SV2C: variants seen among roughly 807,000 people sequenced by gnomAD.
SV2C encodes the protein solute carrier family 22 member B3.
SV2C carries 49 observed loss-of-function variants against 79.7 expected under a neutral mutation model. The ratio of observed to expected loss-of-function variants is 0.61; its 90% CI spans 0.49 to 0.78. The LOEUF is 0.78. Ranked by LOEUF, SV2C falls within the 30% of genes least tolerant of loss-of-function variation. SV2C has a pLI of 0.00. For missense variants in SV2C, 833 were observed against 912.9 expected (o/e 0.91, Z 1.13); for synonymous variants, 334 against 333.2 (o/e 1.00, Z -0.03).
the SV2C span, among the ~76,000 whole-genome samples, chr5:75,916,865 G>A: frequency 6.6e-6 from 1 of 152,198 alleles, no homozygotes; most frequent in Admixed American, 6.5e-5. Context: ...GCCTTGGGCA[G>A]GATGAAAATA....
At chr5:76,008,939 C>T in the SV2C span, among the ~76,000 whole-genome samples, 5 of 152,002 alleles carry the variant, frequency 3.3e-5, no homozygotes, top group Non-Finnish European at 7.4e-5. Context: ...TCAAACAGGC[C>T]CTTCCGTGGA....
chr5:76,117,903 C>A (rs1183110608), intron 1 of SV2C, among the ~76,000 whole-genome samples: 1 of 152,106 alleles, frequency 6.6e-6, no homozygotes, highest in Admixed American at 6.5e-5. Context: ...TGTTTAATAG[C>A]TTTTCACAGT....
At chr5:75,956,114 T>A in the SV2C span, among the ~76,000 whole-genome samples, 2 of 140,384 alleles carry the variant, frequency 1.4e-5, no homozygotes, top group African/African-American at 5.3e-5. Flanking sequence ...TATTGCGGCA[T>A]TATTCACAAT....
the SV2C span, among the ~76,000 whole-genome samples, chr5:75,973,504 AG>A: frequency 1.3e-5 from 2 of 149,258 alleles, no homozygotes; most frequent in Non-Finnish European, 3.0e-5. Context: ...AAAGAAAAAA[AG>A]AAAAAAAAGA....
the SV2C span, among the ~76,000 whole-genome samples, chr5:75,960,424 T>C: frequency 6.6e-6 from 1 of 152,018 alleles, no homozygotes; most frequent in Admixed American, 6.6e-5. Flanking sequence ...AGTGATGTCA[T>C]AGCTGTTATA....
At chr5:76,343,304 T>C (rs1423757620) in intron 12 of SV2C, among the ~76,000 whole-genome samples, 2 of 152,126 alleles carry the variant, frequency 1.3e-5, no homozygotes, top group African/African-American at 2.4e-5. Context: ...GTATTGACAA[T>C]TGCAATCACC....
At chr5:75,906,770 G>A in the SV2C span, among the ~76,000 whole-genome samples, 2 of 152,054 alleles carry the variant, frequency 1.3e-5, no homozygotes, top group Non-Finnish European at 2.9e-5. Flanking sequence ...AGTTTATTTT[G>A]TCCTCACTGG....
chr5:76,339,355 G>T lies in SV2C; in HGVS notation c.2001-13775G>T, dbSNP rs75389009. Among the ~76,000 whole-genome samples the T allele has an allele frequency of 3.4e-4, 52 of 152,096 alleles. No individual in the cohort carries two copies. The East Asian group carries it at 9.5e-3, about 28-fold the overall frequency. The stretch of plus-strand genomic sequence containing the variant: ...ATGGCAACAGTTTTGTGATATCATT[G>T]CCTATATAGAGAATAGAAAGATAAA... On this transcript the variant is annotated intron_variant, in intron 12 of 12. Coordinates refer to the SV2C transcript ENST00000322285.
chr5:76,121,504 C>G (rs934520173), intron 1 of SV2C, among the ~76,000 whole-genome samples: 2 of 151,532 alleles, frequency 1.3e-5, no homozygotes, highest in Non-Finnish European at 2.9e-5. Context: ...GGTTTCAGGT[C>G]TAACGTTTAA....
chr5:76,103,280 C>T (rs534393557), intron 1 of SV2C, among the ~76,000 whole-genome samples: 2 of 152,200 alleles, frequency 1.3e-5, no homozygotes, highest in African/African-American at 4.8e-5. Flanking sequence ...GTATTATTCA[C>T]CTGCATCTGA....
the SV2C span, among the ~76,000 whole-genome samples, chr5:75,926,508 C>T: frequency 4.6e-5 from 7 of 152,008 alleles, no homozygotes; most frequent in African/African-American, 1.2e-4. Flanking sequence ...TTTTCCTGCT[C>T]GGTGCCTGAA....
chr5:76,014,509 C>A, the SV2C span, among the ~76,000 whole-genome samples: 296 of 152,238 alleles, frequency 1.9e-3, 2 homozygotes, highest in African/African-American at 6.7e-3. Context: ...GAAATTATAT[C>A]AAAGCATTCT....
chr5:76,102,828 C>A (rs534356976), intron 1 of SV2C, among the ~76,000 whole-genome samples: 1 of 152,244 alleles, frequency 6.6e-6, no homozygotes, highest in East Asian at 1.9e-4. Flanking sequence ...GAAAAACATG[C>A]CCCTGACTTT....
the SV2C span, among the ~76,000 whole-genome samples, chr5:75,887,012 G>A: frequency 6.6e-6 from 1 of 152,032 alleles, no homozygotes; most frequent in Non-Finnish European, 1.5e-5. Flanking sequence ...TTAGTGGTAG[G>A]AGATGCAAGA....
At chr5:76,155,839 G>T (rs931626003) in intron 2 of SV2C, among the ~76,000 whole-genome samples, 5 of 151,310 alleles carry the variant, frequency 3.3e-5, no homozygotes, top group Non-Finnish European at 7.4e-5. Flanking sequence ...AGATTTGCCT[G>T]GGGGAGAAGT....
chr5:76,231,665 C>T (rs1254735324), intron 4 of SV2C, among the ~76,000 whole-genome samples: 1 of 141,994 alleles, frequency 7.0e-6, no homozygotes, highest in Non-Finnish European at 1.5e-5. Context: ...TCAATTCCCA[C>T]CTATGAGTGA....
chr5:76,307,925 T>C (rs1748260476), intron 12 of SV2C, among the ~76,000 whole-genome samples: 1 of 152,228 alleles, frequency 6.6e-6, no homozygotes, highest in South Asian at 2.1e-4. Flanking sequence ...CTAAATTTCA[T>C]GTGTTTCAAG....
the SV2C span, among the ~76,000 whole-genome samples, chr5:76,065,707 T>C: frequency 6.6e-6 from 1 of 152,226 alleles, no homozygotes; most frequent in Admixed American, 6.5e-5. Flanking sequence ...TGCTTTATGT[T>C]ATTAGAAACT....
the SV2C span, among the ~76,000 whole-genome samples, chr5:75,902,204 C>G: frequency 6.6e-6 from 1 of 152,134 alleles, no homozygotes; most frequent in African/African-American, 2.4e-5. Flanking sequence ...AGCTGTGGAC[C>G]GGAGCTGTTC....
Sources: gnomAD v4.1 joint callset for allele counts (sites outside exome capture counted in the v4.1 genomes callset) on GRCh38, gnomAD v4.1.1 for gene constraint, MANE v1.5 for transcripts, NCBI Gene and HGNC (gene_info 2026-07-23, HGNC 2026-07-21) for gene names.